Variants in ZNF197 observed in about 807,000 individuals in gnomAD.
ZNF197 encodes the protein zinc finger protein 197.
In ZNF197, 14 loss-of-function variants were observed where a neutral mutation model predicts 27.4. That is an observed-to-expected ratio of 0.51 (90% CI 0.34 to 0.80). The LOEUF (loss-of-function observed/expected upper bound fraction) is 0.80. Among genes scored for constraint, ZNF197 ranks in the 30% least tolerant of loss-of-function variants. The probability of loss-of-function intolerance (pLI) is 0.02; values close to 1 mark genes in which losing one functional copy is unlikely to be tolerated. For missense variants in ZNF197, 1,090 were observed against 1,222.6 expected, an observed-to-expected ratio of 0.89 and a Z score of 1.62; for synonymous variants, 415 against 420.0, an observed-to-expected ratio of 0.99 and a Z score of 0.15.
At chr3:44,641,798 A>G in intron 5 of ZNF197, 102 bp from the exon 6 acceptor site, 2 of 1,359,430 alleles carry the variant, frequency 1.5e-6, no homozygotes, top group Non-Finnish European at 2.0e-6. Flanking sequence ...TTGTATGCAT[A>G]TTAAAGTGTG....
chr3:44,637,185 G>C (rs762381302), intron 5 of ZNF197, among the ~76,000 whole-genome samples: 14 of 152,098 alleles, frequency 9.2e-5, no homozygotes, highest in Non-Finnish European at 1.3e-4. Flanking sequence ...CTGGAGTGTA[G>C]TGGTGTGATC....
Position 44,632,091 on chromosome 3 carries a change from T to C in ZNF197, c.551-14T>C. 6.2e-7 allele frequency: 1 copy of C among 1,613,788 alleles called. No individual in the cohort carries two copies. Among genetic ancestry groups the C allele is most frequent in the Non-Finnish European group, 8.5e-7 (1 of 1,179,688 alleles). The stretch of plus-strand genomic sequence containing the variant: ...GTTTGTAGGTCCCATATGCAGCTTT[T>C]TCTCCCTCCTCAGATTCTCCTGCCC... On this transcript the variant is annotated splice_polypyrimidine_tract_variant and intron_variant, in intron 3 of 5. Coordinates refer to ENST00000344387, the MANE Select transcript of ZNF197 (RefSeq NM_006991.5).
Position 44,642,637 on chromosome 3 carries a change from C to T in ZNF197, c.1507C>T (p.Leu503Phe), listed in dbSNP as rs759190855. 1 of 1,614,020 alleles carries T rather than the reference C, an allele frequency of 6.2e-7. No homozygotes were observed. Among genetic ancestry groups the T allele is most frequent in the Admixed American group, 1.7e-5 (1 of 60,026 alleles). Reference protein sequence around the residue: ...QNAYLIDHQRLHKGEEPYKCN... With the variant: ...QNAYLIDHQRFHKGEEPYKCN... ...TGCTTACCTCATTGACCATCAGAGG[C>T]TCCACAAAGGGGAAGAACCTTATAA... is the stretch of plus-strand genomic sequence containing the variant. Residue 503 changes from leucine to phenylalanine, a missense_variant, in exon 6 of 6, where the codon CTC (leucine) becomes TTC (phenylalanine). Physicochemically the swap from Leu to Phe is conservative, Grantham distance 22. Transcript: ENST00000344387.
At position 44,646,016 on chromosome 3, in the gene ZNF197, T is replaced by G. The variant is rs951662933; in HGVS notation, c.*1796T>G. On this transcript the variant is annotated 3_prime_UTR_variant, in exon 6 of 6. Transcript: ENST00000344387. ...TTTTAATAATGTCAAAGTGGTGTGT[T>G]GATTATCATAAATGTTATTAATTCA... 2.5e-5 allele frequency: 25 copies of G among 985,326 alleles called. No individual in the cohort carries two copies. The highest frequency in any genetic ancestry group is 3.5e-5 in the African/African-American group (2 of 57,222). 61.0% of individuals were successfully genotyped at this position (985,326 alleles called of 1,614,324 possible).
At chr3:44,639,586 A>G (rs556751879) in intron 5 of ZNF197, among the ~76,000 whole-genome samples, 8 of 150,952 alleles carry the variant, frequency 5.3e-5, no homozygotes, top group Admixed American at 2.0e-4. Context: ...GAATTTGCCT[A>G]TTTCATCTAA....
At chr3:44,633,011 T>C (rs561665021) in intron 5 of ZNF197, among the ~76,000 whole-genome samples, 18 of 152,282 alleles carry the variant, frequency 1.2e-4, no homozygotes, top group Admixed American at 5.2e-4. Flanking sequence ...CCTTCTAAAA[T>C]GTTTTATTAT....
At chr3:44,635,323 C>T (rs1287559482) in intron 5 of ZNF197, among the ~76,000 whole-genome samples, 2 of 151,936 alleles carry the variant, frequency 1.3e-5, no homozygotes, top group African/African-American at 2.4e-5. Context: ...ATGTTTATTC[C>T]CATTGACTTA....
intron 2 of ZNF197, 72 bp downstream of exon 2, chr3:44,629,616 T>C (rs1177006748): frequency 6.8e-7 from 1 of 1,470,142 alleles, no homozygotes; most frequent in African/African-American, 1.4e-5. Context: ...GGCTAGAGGG[T>C]GATCCTGTGA....
intron 5 of ZNF197, among the ~76,000 whole-genome samples, chr3:44,637,856 A>C (rs149824811): frequency 1.1e-4 from 16 of 152,214 alleles, no homozygotes; most frequent in African/African-American, 3.6e-4. Flanking sequence ...CTCTTTTACT[A>C]TTTTGGCTTC....
intron 5 of ZNF197, among the ~76,000 whole-genome samples, chr3:44,639,800 A>G (rs1459421732): frequency 6.6e-6 from 1 of 151,964 alleles, no homozygotes; most frequent in East Asian, 1.9e-4. Flanking sequence ...AAGAAATGAC[A>G]TGTTTGGGCA....
Position 44,643,086 on chromosome 3 carries a change from T to C in ZNF197, c.1956T>C (p.Cys652=). Residue 652 remains cysteine, a synonymous_variant, in exon 6 of 6, where the codon TGT becomes TGC. Transcript: ENST00000344387. ...RLHNGEKPYE[C]NECGKVFILK... ...ACAATGGGGAGAAGCCCTATGAATG[T>C]AATGAATGTGGGAAAGTTTTTATTC... 6.2e-7 allele frequency: 1 copy of C among 1,614,010 alleles called. No individual in the cohort carries two copies. The highest frequency in any genetic ancestry group is 1.3e-5 in the African/African-American group (1 of 75,044).
In ZNF197 at chr3:44,643,987, A is replaced by T. The variant is rs1471803328; in HGVS notation, c.2857A>T (p.Thr953Ser). ...TTTAGTTGGCCACCAGAGAATTCAC[A>T]CAGGGGAGAAACCCTATGGGTGTAA... The part of the protein sequence containing the change: ...RNLVGHQRIH[T>S]GEKPYGCNDC... Residue 953 changes from threonine (T) to serine (S), a missense_variant, in exon 6 of 6, where the codon ACA (threonine) becomes TCA (serine). Physicochemically the swap from Thr to Ser is moderately conservative, Grantham distance 58. Coordinates refer to ENST00000344387, the MANE Select transcript of ZNF197 (RefSeq NM_006991.5). 2 of 1,614,210 alleles carry T rather than the reference A, an allele frequency of 1.2e-6. No individual in the cohort carries two copies. Among genetic ancestry groups the T allele is most frequent in the Non-Finnish European group, 1.7e-6 (2 of 1,180,028 alleles).
Position 44,646,221 on chromosome 3 carries a change from G to A in ZNF197, c.*2001G>A. 8 of 981,248 alleles carry A rather than the reference G, an allele frequency of 8.2e-6. No homozygotes were observed. The highest frequency in any genetic ancestry group is 9.7e-6 in the Non-Finnish European group (8 of 826,222). 60.8% of individuals were successfully genotyped at this position (981,248 alleles called of 1,614,324 possible). The stretch of plus-strand genomic sequence containing the variant: ...TGAATTCCTCATCTGTTAAACAGGA[G>A]GAAGAATATCTACCTCACAAAGTTC... On this transcript the variant is annotated 3_prime_UTR_variant, in exon 6 of 6. Transcript: ENST00000344387.
chr3:44,644,891 TTAATA>T lies in ZNF197; in HGVS notation c.*672_*676del, dbSNP rs1389757075. 12 of 973,410 alleles carry T rather than the reference TTAATA, an allele frequency of 1.2e-5. No individual in the cohort carries two copies. The highest frequency in any genetic ancestry group is 6.2e-5 in the Admixed American group (1 of 16,240). The allele number at this position is 973,410 out of a possible 1,614,324, so 60.3% of individuals were successfully genotyped here. On this transcript the variant is annotated 3_prime_UTR_variant, in exon 6 of 6. Coordinates refer to ENST00000344387, the MANE Select transcript of ZNF197 (RefSeq NM_006991.5). ...TAAATTTATTAATAAAACTAAAAAT[TTAATA>T]ATAAAAAGTGGACATTGTTTTTTAA...
chr3:44,632,012 T>G (rs1311994455), intron 3 of ZNF197, 93 bp from the exon 4 acceptor site: 2 of 1,153,492 alleles, frequency 1.7e-6, no homozygotes, highest in African/African-American at 3.0e-5. Flanking sequence ...TGTATCATTC[T>G]TACTGCTACT....
rs1020981191 is a variant in ZNF197, at chr3:44,631,463, C to T, written c.550+242C>T. Among the ~76,000 whole-genome samples, 29 of 151,754 alleles carry T rather than the reference C, an allele frequency of 1.9e-4. 1 individual carries two copies. Among genetic ancestry groups the T allele is most frequent in the Non-Finnish European group, 2.9e-5 (2 of 67,922 alleles). ...TCGCCCAGGCTGGAGTGCAGTGGCG[C>T]GATCTCAGCTCACTGCAACCTCCGC... On this transcript the variant is annotated intron_variant, in intron 3 of 5. Coordinates refer to ENST00000344387, the MANE Select transcript of ZNF197 (RefSeq NM_006991.5).
chr3:44,643,734 CAGT>C lies in ZNF197; in HGVS notation c.2605_2607del (p.Ser869del). ...ACCTGATTGAACATCAAAGAATTCA[CAGT>C]GGAGAAAAAACCTACGAATGTCATG... On this transcript the variant is annotated inframe_deletion, in exon 6 of 6. Coordinates refer to ENST00000344387, the MANE Select transcript of ZNF197 (RefSeq NM_006991.5). 1.9e-6 allele frequency: 3 copies of C among 1,613,970 alleles called. No homozygotes were observed. In the Middle Eastern group the frequency reaches 5.0e-4, roughly 267 times the overall value.
chr3:44,646,742 T>C lies in ZNF197; in HGVS notation c.*2522T>C, dbSNP rs1702980546. 1 of 489,998 alleles carries C rather than the reference T, an allele frequency of 2.0e-6. No individual in the cohort carries two copies. The highest frequency in any genetic ancestry group is 3.6e-6 in the Non-Finnish European group (1 of 276,198). 30.4% of individuals were successfully genotyped at this position (489,998 alleles called of 1,614,324 possible). A position where few individuals can be genotyped will look rare whatever the true frequency, so the allele number is the denominator to read the frequency against. ...TATAAAACATGGATGAGGAGGCTTGTTTTTAAAAGATAATACTAGAGAGCC... is the reference window on the plus strand; with the variant it reads ...TATAAAACATGGATGAGGAGGCTTGCTTTTAAAAGATAATACTAGAGAGCC... On this transcript the variant is annotated 3_prime_UTR_variant, in exon 6 of 6. Transcript: ENST00000344387.
At chr3:44,639,060 G>GT (rs951082761) in intron 5 of ZNF197, among the ~76,000 whole-genome samples, 20 of 152,008 alleles carry the variant, frequency 1.3e-4, no homozygotes, top group African/African-American at 4.6e-4. Flanking sequence ...ACCATGGAGT[G>GT]TTTTATCTAT....
Sources: allele counts gnomAD v4.1 joint callset (sites outside exome capture counted in the v4.1 genomes callset), GRCh38; gene constraint gnomAD v4.1.1; transcripts MANE v1.5; gene names NCBI Gene and HGNC (gene_info 2026-07-23, HGNC 2026-07-21).